Variants in ZNF385D observed in about 807,000 individuals in gnomAD.
ZNF385D encodes the protein zinc finger protein 659.
Under a neutral mutation model 35.8 loss-of-function variants are expected in ZNF385D, and 15 were observed. The observed-to-expected ratio is 0.42, with a 90% CI of 0.28 to 0.64. The LOEUF is 0.64. Among genes scored for constraint, ZNF385D ranks in the 30% least tolerant of loss-of-function variants. The pLI, the probability that ZNF385D is intolerant of heterozygous loss-of-function variation, is 0.23. For missense variants in ZNF385D, 474 were observed against 494.6 expected (o/e 0.96, Z 0.39); for synonymous variants, 212 against 186.8 (o/e 1.13, Z -1.10).
At chr3:22,033,969 T>C (rs542974712) in intron 3 of ZNF385D, among the ~76,000 whole-genome samples, 1 of 152,302 alleles carries the variant, frequency 6.6e-6, no homozygotes, top group African/African-American at 2.4e-5. Context: ...CCAGGAAACC[T>C]GAGACGGTTT....
chr3:22,057,905 G>C (rs1699490347), intron 3 of ZNF385D, among the ~76,000 whole-genome samples: 1 of 152,140 alleles, frequency 6.6e-6, no homozygotes, highest in Admixed American at 6.5e-5. Flanking sequence ...AAGACTGATG[G>C]AGAAAATCAT....
chr3:21,783,653 C>A (rs1390578981), intron 3 of ZNF385D, among the ~76,000 whole-genome samples: 2 of 152,040 alleles, frequency 1.3e-5, no homozygotes, highest in African/African-American at 4.8e-5. Flanking sequence ...CGTCCTTGTT[C>A]CCACCATGTC....
chr3:21,696,475 A>T (rs1057475522), intron 1 of ZNF385D, among the ~76,000 whole-genome samples: 1 of 152,228 alleles, frequency 6.6e-6, no homozygotes, highest in Non-Finnish European at 1.5e-5. Flanking sequence ...CATAATCATT[A>T]TATACAGTCA....
At chr3:21,888,397 G>A (rs1485404809) in intron 3 of ZNF385D, among the ~76,000 whole-genome samples, 4 of 152,156 alleles carry the variant, frequency 2.6e-5, no homozygotes, top group African/African-American at 9.6e-5. Flanking sequence ...ATTGAAGTTG[G>A]AGGAAGAAGA....
At chr3:21,738,590 T>A (rs577594564) in intron 1 of ZNF385D, among the ~76,000 whole-genome samples, 3 of 152,194 alleles carry the variant, frequency 2.0e-5, no homozygotes, top group Non-Finnish European at 4.4e-5. Flanking sequence ...TTCACCCAAA[T>A]TCACATCCCT....
intron 2 of ZNF385D, among the ~76,000 whole-genome samples, chr3:22,226,721 T>A (rs527990805): frequency 6.6e-6 from 1 of 152,336 alleles, no homozygotes; most frequent in South Asian, 2.1e-4. Context: ...CTCCAGGTAC[T>A]CATCAGTCAT....
chr3:22,041,675 T>A (rs1470430118), intron 3 of ZNF385D, among the ~76,000 whole-genome samples: 3 of 152,086 alleles, frequency 2.0e-5, no homozygotes, highest in Non-Finnish European at 4.4e-5. Flanking sequence ...GTGGCAATAT[T>A]TATATTGATC....
intron 4 of ZNF385D, among the ~76,000 whole-genome samples, chr3:21,454,219 A>G (rs1482385522): frequency 4.6e-5 from 7 of 152,058 alleles, no homozygotes; most frequent in Admixed American, 4.6e-4. Context: ...GGGAATTAAG[A>G]GGTAAAGGTT....
At chr3:22,139,964 C>A (rs1440039923) in intron 3 of ZNF385D, among the ~76,000 whole-genome samples, 2 of 152,118 alleles carry the variant, frequency 1.3e-5, no homozygotes, top group African/African-American at 4.8e-5. Context: ...ACATCAAGAA[C>A]TGATGAGGAT....
chr3:22,140,155 T>C (rs1277681200), intron 3 of ZNF385D, among the ~76,000 whole-genome samples: 2 of 152,212 alleles, frequency 1.3e-5, no homozygotes, highest in Non-Finnish European at 2.9e-5. Context: ...TAAATGTTTA[T>C]AGGAGCTTTG....
chr3:22,097,125 T>C (rs1352954336), intron 3 of ZNF385D, among the ~76,000 whole-genome samples: 1 of 152,152 alleles, frequency 6.6e-6, no homozygotes, highest in East Asian at 1.9e-4. Flanking sequence ...GCAACACCAG[T>C]GACTCTGAAT....
chr3:22,353,224 T>C (rs1346364761), intron 2 of ZNF385D, among the ~76,000 whole-genome samples: 1 of 152,080 alleles, frequency 6.6e-6, no homozygotes, highest in Admixed American at 6.6e-5. Flanking sequence ...TCAGTGTAGG[T>C]CCCCCTATTA....
intron 3 of ZNF385D, among the ~76,000 whole-genome samples, chr3:21,799,794 A>G (rs1224198378): frequency 1.3e-5 from 2 of 152,034 alleles, no homozygotes; most frequent in Non-Finnish European, 2.9e-5. Context: ...TGTTACTTTT[A>G]CTTTTGAAAC....
chr3:22,165,798 A>G (rs1310904179), intron 3 of ZNF385D, among the ~76,000 whole-genome samples: 1 of 152,190 alleles, frequency 6.6e-6, no homozygotes, highest in Non-Finnish European at 1.5e-5. Context: ...TCTTGCCTCA[A>G]CACAACCCAA....
chr3:22,232,922 TCTTAA>T (rs1192597702), intron 2 of ZNF385D, among the ~76,000 whole-genome samples: 2 of 152,210 alleles, frequency 1.3e-5, no homozygotes, highest in Non-Finnish European at 2.9e-5. Flanking sequence ...TTTTAGTTCA[TCTTAA>T]CTTCTTCATT....
At chr3:22,322,691 G>C (rs1694497648) in intron 2 of ZNF385D, among the ~76,000 whole-genome samples, 1 of 152,106 alleles carries the variant, frequency 6.6e-6, no homozygotes, top group Admixed American at 6.5e-5. Flanking sequence ...CATATGCACA[G>C]ATATATTCTC....
rs78438181 is a variant in ZNF385D, at chr3:21,435,798, G to C, written c.673+1172C>G. 9.8e-3 allele frequency among the ~76,000 whole-genome samples: 1,493 copies of C among 152,250 alleles called. 20 individuals carry two copies. Among genetic ancestry groups the C allele is most frequent in the African/African-American group, 0.034 (1,393 of 41,530 alleles). Reference sequence around the variant, plus strand: ...CTGCAAGGTATAGATTCTACCTTAAGGCCAGGTACTTTTCTGTGTTTCTTA... The same window carrying C: ...CTGCAAGGTATAGATTCTACCTTAACGCCAGGTACTTTTCTGTGTTTCTTA... On this transcript the variant is annotated intron_variant, in intron 5 of 7. Coordinates refer to ENST00000281523, the MANE Select transcript of ZNF385D (RefSeq NM_024697.3).
Position 21,683,712 on chromosome 3 carries a change from G to C in ZNF385D, c.23-18684C>G, listed in dbSNP as rs373998847. Among the ~76,000 whole-genome samples the C allele has an allele frequency of 2.8e-3, 421 of 150,218 alleles. 35 individuals carry two copies. The highest frequency in any genetic ancestry group is 9.8e-3 in the African/African-American group (400 of 40,830). ...CCGGCTGGTTGCAGAAGCAACAGAA[G>C]GATTCAATGTGCCCTTACTGGCCTG... On this transcript the variant is annotated intron_variant, in intron 1 of 7. Coordinates refer to ENST00000281523, the MANE Select transcript of ZNF385D (RefSeq NM_024697.3).
chr3:21,852,276 C>T (rs571963069), intron 3 of ZNF385D, among the ~76,000 whole-genome samples: 1 of 151,932 alleles, frequency 6.6e-6, no homozygotes, highest in East Asian at 2.0e-4. Flanking sequence ...AATAAGATTC[C>T]TTATTCCTTA....
Sources: gnomAD v4.1 joint callset for allele counts (sites outside exome capture counted in the v4.1 genomes callset) on GRCh38, gnomAD v4.1.1 for gene constraint, MANE v1.5 for transcripts, NCBI Gene and HGNC (gene_info 2026-07-23, HGNC 2026-07-21) for gene names.